The following CPNE4 variants were observed in gnomAD, a reference collection of about 807,000 sequenced individuals.
CPNE4 encodes copine 4, also known as copine-4.
A neutral mutation model predicts 67.9 loss-of-function variants in CPNE4; 25 were observed. That is an observed-to-expected ratio of 0.37 (90% CI 0.27 to 0.51). CPNE4 has a LOEUF of 0.51. CPNE4 is among the 20% of genes least tolerant of loss of function. The pLI is 0.93. For missense variants in CPNE4, 464 were observed against 690.8 expected (o/e 0.67, Z 3.68); for synonymous variants, 242 against 244.9 (o/e 0.99, Z 0.11).
At chr3:131,737,113 G>GTTTTTTTTTTTTTTTTTTT in intron 2 of CPNE4, among the ~76,000 whole-genome samples, 1 of 82,916 alleles carries the variant, frequency 1.2e-5, no homozygotes, top group South Asian at 4.3e-4. Context: ...GAAGTATTGT[G>GTTTTTTTTTTTTTTTTTTT]TCTTTTTTTT....
chr3:131,596,771 T>C lies in CPNE4; in HGVS notation c.682-9189A>G, dbSNP rs897247818. The stretch of plus-strand genomic sequence containing the variant: ...AAATTCTGCCTGTGGACAGGATCTT[T>C]AGCTCCTGCCCTAAAATTTCCAGTC... On this transcript the variant is annotated intron_variant, in intron 7 of 15. Transcript: ENST00000429747. 9.9e-5 allele frequency among the ~76,000 whole-genome samples: 15 copies of C among 152,266 alleles called. 1 individual carries two copies. In the East Asian group the frequency reaches 1.2e-3, roughly 12 times the overall value.
intron 1 of CPNE4, among the ~76,000 whole-genome samples, chr3:131,943,175 G>A (rs1235127612): frequency 6.6e-6 from 1 of 152,134 alleles, no homozygotes; most frequent in Admixed American, 6.5e-5. Context: ...GGGTCTGGAG[G>A]AGCACCTTGC....
intron 1 of CPNE4, among the ~76,000 whole-genome samples, chr3:131,938,718 G>A (rs935216589): frequency 2.2e-4 from 34 of 152,046 alleles, no homozygotes; most frequent in African/African-American, 7.7e-4. Flanking sequence ...GGCATGGTGG[G>A]AAATGCCCCC....
At chr3:132,037,373 A>G (rs989430008), upstream of CPNE4, among the ~76,000 whole-genome samples, 11 of 152,218 alleles carry the variant, frequency 7.2e-5, no homozygotes, top group South Asian at 2.1e-4. Context: ...AGCTTTTTAC[A>G]GGGCACATAA....
intron 2 of CPNE4, among the ~76,000 whole-genome samples, chr3:131,774,593 A>G (rs2083249907): frequency 1.3e-5 from 2 of 152,098 alleles, no homozygotes; most frequent in African/African-American, 2.4e-5. Flanking sequence ...GGAAATTTAA[A>G]CCCAGGCCTG....
chr3:131,785,498 C>A (rs373896620), intron 2 of CPNE4, among the ~76,000 whole-genome samples: 5 of 152,222 alleles, frequency 3.3e-5, no homozygotes, highest in Admixed American at 2.0e-4. Context: ...ATCTCCAGAG[C>A]TGCTATTTCC....
intron 1 of CPNE4, among the ~76,000 whole-genome samples, chr3:131,946,853 G>A (rs2071565885): frequency 6.6e-6 from 1 of 152,094 alleles, no homozygotes; most frequent in African/African-American, 2.4e-5. Flanking sequence ...TTAGGTGTGT[G>A]ATCTATTTTG....
intron 14 of CPNE4, among the ~76,000 whole-genome samples, chr3:131,547,651 T>G (rs1037247832): frequency 6.6e-6 from 1 of 152,116 alleles, no homozygotes; most frequent in Non-Finnish European, 1.5e-5. Context: ...AGAGTGTCTC[T>G]GCCCAGCATA....
intron 2 of CPNE4, among the ~76,000 whole-genome samples, chr3:131,808,912 A>T (rs1230294377): frequency 6.6e-6 from 1 of 152,206 alleles, no homozygotes; most frequent in African/African-American, 2.4e-5. Context: ...TTTCCAGAAG[A>T]TACTTCACCC....
At chr3:131,955,095 T>C (rs1179246075) in intron 1 of CPNE4, among the ~76,000 whole-genome samples, 1 of 151,890 alleles carries the variant, frequency 6.6e-6, no homozygotes, top group African/African-American at 2.4e-5. Flanking sequence ...CTGTGTTTTT[T>C]TTTTCTTTTT....
At chr3:131,909,521 C>T (rs975111923) in intron 1 of CPNE4, among the ~76,000 whole-genome samples, 1 of 152,086 alleles carries the variant, frequency 6.6e-6, no homozygotes, top group Non-Finnish European at 1.5e-5. Flanking sequence ...AAATGAATTT[C>T]AGATGATGAT....
At chr3:131,700,075 T>A (rs1246372726) in intron 3 of CPNE4, 95 bp from the exon 4 acceptor site, 4 of 644,204 alleles carry the variant, frequency 6.2e-6, no homozygotes, top group Non-Finnish European at 9.7e-6. Flanking sequence ...TTTTTTTTTT[T>A]TTACAAAACT....
At position 132,019,529 on chromosome 3, in the gene CPNE4, C is replaced by A. The variant is rs1201700785; in HGVS notation, c.-2+15038G>T. Among the ~76,000 whole-genome samples, 12 of 152,012 alleles carry A rather than the reference C, an allele frequency of 7.9e-5. No individual in the cohort carries two copies. In the East Asian group the frequency reaches 2.3e-3, roughly 29 times the overall value. ...ATATATTATTGAGACATATAAAGAT[C>A]TACATATACAGGAATAGGAAAGGTT... On this transcript the variant is annotated intron_variant, in intron 1 of 15. Coordinates refer to ENST00000429747, the MANE Select transcript of CPNE4 (RefSeq NM_130808.3).
At chr3:131,982,107 CTCT>C (rs1236275670) in intron 1 of CPNE4, among the ~76,000 whole-genome samples, 1 of 152,170 alleles carries the variant, frequency 6.6e-6, no homozygotes, top group Admixed American at 6.5e-5. Context: ...ATGATCGAAC[CTCT>C]TCTTTTTATG....
chr3:131,781,286 GAATA>G (rs1305824159), intron 2 of CPNE4, among the ~76,000 whole-genome samples: 1 of 152,038 alleles, frequency 6.6e-6, no homozygotes, highest in African/African-American at 2.4e-5. Flanking sequence ...CAGTTTTCAG[GAATA>G]AATATACTAA....
Position 132,018,550 on chromosome 3 carries a change from C to T in CPNE4, c.-2+16017G>A, listed in dbSNP as rs2073932752. ...TGAAGTAGGGACTTTCTTCCCCTAG[C>T]ACCCCTCATCTTTATGTCTATCTGT... is the stretch of plus-strand genomic sequence containing the variant. On this transcript the variant is annotated intron_variant, in intron 1 of 15. Transcript: ENST00000429747. Among the ~76,000 whole-genome samples, 3 of 152,178 alleles carry T rather than the reference C, an allele frequency of 2.0e-5. No homozygotes were observed. The South Asian group carries it at 6.2e-4, about 31-fold the overall frequency.
At chr3:131,783,779 G>T (rs940536700) in intron 2 of CPNE4, among the ~76,000 whole-genome samples, 1 of 151,996 alleles carries the variant, frequency 6.6e-6, no homozygotes, top group Non-Finnish European at 1.5e-5. Flanking sequence ...AAGCTGTGAT[G>T]GAAAGCAAGC....
intron 3 of CPNE4, among the ~76,000 whole-genome samples, chr3:131,717,233 A>G (rs2081720582): frequency 6.8e-6 from 1 of 147,980 alleles, no homozygotes; most frequent in Admixed American, 6.6e-5. Context: ...AAAACACTCA[A>G]CAAAGGTTTT....
At chr3:131,609,059 T>C (rs968923305) in intron 7 of CPNE4, among the ~76,000 whole-genome samples, 1 of 152,174 alleles carries the variant, frequency 6.6e-6, no homozygotes, top group Non-Finnish European at 1.5e-5. Flanking sequence ...TCAGGCTAGA[T>C]CTAGCTTGTT....
Sources: allele counts gnomAD v4.1 joint callset (sites outside exome capture counted in the v4.1 genomes callset), GRCh38; gene constraint gnomAD v4.1.1; transcripts MANE v1.5; gene names NCBI Gene and HGNC (gene_info 2026-07-23, HGNC 2026-07-21).